The following SBNO1 variants were observed in gnomAD, a reference collection of about 807,000 sequenced individuals.
SBNO1 encodes the protein protein strawberry notch homolog 1.
A neutral mutation model predicts 173.6 loss-of-function variants in SBNO1; 23 were observed. The ratio of observed to expected loss-of-function variants is 0.13; its 90% CI spans 0.10 to 0.19. The LOEUF (loss-of-function observed/expected upper bound fraction) is 0.19. Ranked by LOEUF, SBNO1 falls within the 10% of genes least tolerant of loss-of-function variation. The pLI, the probability that SBNO1 is intolerant of heterozygous loss-of-function variation, is 1.00. For missense variants in SBNO1, 1,238 were observed against 1,671.2 expected, an observed-to-expected ratio of 0.74 and a Z score of 4.52; for synonymous variants, 632 against 571.5, an observed-to-expected ratio of 1.11 and a Z score of -1.51.
intron 9 of SBNO1, among the ~76,000 whole-genome samples, chr12:123,329,279 G>T (rs1182055369): frequency 6.6e-6 from 1 of 152,064 alleles, no homozygotes; most frequent in Non-Finnish European, 1.5e-5. Flanking sequence ...TACCACAGGG[G>T]CTGAGGTGGG....
In SBNO1 at chr12:123,348,065, T is replaced by A. The variant is rs1170619199; in HGVS notation, c.201A>T (p.Pro67=). ...ATAGTGCTGGAGTAGGTACAGTCTC[T>A]GGTTCTTGTTTAACAGGAACTGCTG... ...TEAAVPVKQE[P]ETVPTPALLN... Residue 67 remains proline, a synonymous_variant, in exon 3 of 32, where the codon CCA becomes CCT. Transcript: ENST00000602398. 6.2e-7 allele frequency: 1 copy of A among 1,611,242 alleles called. No homozygotes were observed. Among genetic ancestry groups the A allele is most frequent in the Non-Finnish European group, 8.5e-7 (1 of 1,177,586 alleles).
At chr12:123,299,856 G>T (rs986703519) in intron 30 of SBNO1, among the ~76,000 whole-genome samples, 1 of 151,966 alleles carries the variant, frequency 6.6e-6, no homozygotes, top group Non-Finnish European at 1.5e-5. Context: ...AAGATCCTGA[G>T]AGATCCTGCC....
At chr12:123,352,136 C>T (rs1873949843) in intron 1 of SBNO1, among the ~76,000 whole-genome samples, 2 of 152,104 alleles carry the variant, frequency 1.3e-5, no homozygotes, top group Non-Finnish European at 2.9e-5. Flanking sequence ...TCATTAATTT[C>T]CCTGAAATAA....
At chr12:123,307,183 C>T (rs893876762) in intron 28 of SBNO1, among the ~76,000 whole-genome samples, 27 of 151,814 alleles carry the variant, frequency 1.8e-4, no homozygotes, top group Middle Eastern at 3.4e-3. Flanking sequence ...ACAGAGCGAG[C>T]GAGATCCCAT....
rs1020639462 is a variant in SBNO1, at chr12:123,328,742, C to T, written c.1288G>A (p.Asp430Asn). 4.5e-6 allele frequency: 7 copies of T among 1,552,622 alleles called. No homozygotes were observed. Among genetic ancestry groups the T allele is most frequent in the South Asian group, 3.7e-5 (3 of 81,442 alleles). The change falls in exon 10 of 32, where the codon GAT becomes AAT. Residue 430 changes from aspartate to asparagine, a missense_variant. Transcript: ENST00000602398. ...TTTGCCATAAAGGATACCACTCCAT[C>T]GAAGTCATCACCGCACCAATGCAGA... The part of the protein sequence containing the change: ...QLLHWCGDDF[D>N]GVIVFDECHK...
intron 29 of SBNO1, among the ~76,000 whole-genome samples, chr12:123,303,386 C>T (rs2048840822): frequency 6.6e-6 from 1 of 152,172 alleles, no homozygotes; most frequent in East Asian, 1.9e-4. Context: ...TGGCTCATGC[C>T]TATAATCCCA....
intron 24 of SBNO1, among the ~76,000 whole-genome samples, 170 bp downstream of exon 24, chr12:123,313,450 T>A (rs1273645063): frequency 6.6e-6 from 1 of 152,106 alleles, no homozygotes; most frequent in African/African-American, 2.4e-5. Context: ...TTTGCTTTAA[T>A]AAATCTGTTT....
At chr12:123,364,658 A>G in intron 1 of SBNO1, 43 bp downstream of exon 1, 1 of 979,478 alleles carries the variant, frequency 1.0e-6, no homozygotes, top group Non-Finnish European at 1.2e-6. Context: ...GCTGTCCGGG[A>G]GGGGGAGTGT....
intron 5 of SBNO1, among the ~76,000 whole-genome samples, chr12:123,338,871 AAC>A (rs1374736640): frequency 5.6e-5 from 8 of 142,980 alleles, no homozygotes; most frequent in Non-Finnish European, 9.0e-5. Context: ...ACACCGTCTA[AAC>A]ACACACACAC....
intron 28 of SBNO1, among the ~76,000 whole-genome samples, chr12:123,306,394 G>A (rs577578590): frequency 1.3e-5 from 2 of 152,280 alleles, no homozygotes; most frequent in South Asian, 4.1e-4. Context: ...CGAAGACCAG[G>A]AATGAGGTCT....
chr12:123,330,542 C>T, intron 8 of SBNO1, 33 bp from the exon 9 acceptor site: 1 of 1,110,980 alleles, frequency 9.0e-7, no homozygotes, highest in East Asian at 2.6e-5. Flanking sequence ...AAATTAAATA[C>T]AAATTATATC....
chr12:123,350,495 A>C, intron 1 of SBNO1, 54 bp from the exon 2 acceptor site: 1 of 1,352,942 alleles, frequency 7.4e-7, no homozygotes, highest in East Asian at 2.3e-5. Flanking sequence ...GACAAATATT[A>C]ACTCCCCTCT....
intron 3 of SBNO1, 84 bp downstream of exon 3, chr12:123,347,945 G>A (rs1315974575): frequency 2.7e-6 from 2 of 754,604 alleles, no homozygotes; most frequent in Non-Finnish European, 4.5e-6. Context: ...GAGACTACAG[G>A]TGCGAATCAC....
At chr12:123,364,310 C>G (rs1875825173) in intron 1 of SBNO1, 2 of 985,542 alleles carry the variant, frequency 2.0e-6, no homozygotes, top group Admixed American at 6.1e-5. Flanking sequence ...CCGCGGGTCC[C>G]GGACCCGCAG....
chr12:123,299,282 G>A (rs1363422123), intron 30 of SBNO1, among the ~76,000 whole-genome samples: 2 of 151,814 alleles, frequency 1.3e-5, no homozygotes, highest in African/African-American at 2.4e-5. Flanking sequence ...GCAGGAGAAT[G>A]GCGTGAACCC....
intron 20 of SBNO1, among the ~76,000 whole-genome samples, chr12:123,318,540 C>T (rs111964104): frequency 0.048 from 7,218 of 151,786 alleles, 297 homozygotes; most frequent in East Asian, 0.25. Flanking sequence ...CAAGACCAGC[C>T]AGGTCAATAT....
chr12:123,364,217 G>T (rs887512767), intron 1 of SBNO1: 7 of 985,482 alleles, frequency 7.1e-6, no homozygotes, highest in Non-Finnish European at 7.2e-6. Context: ...CGACCGCGTC[G>T]CCTGCCTCCC....
chr12:123,305,923 C>G (rs368663944), intron 28 of SBNO1, among the ~76,000 whole-genome samples: 1 of 152,122 alleles, frequency 6.6e-6, no homozygotes, highest in Non-Finnish European at 1.5e-5. Flanking sequence ...ATTTCTGGAG[C>G]AAAACGGAAG....
chr12:123,362,032 G>T (rs1289795578), intron 1 of SBNO1, among the ~76,000 whole-genome samples: 1 of 151,808 alleles, frequency 6.6e-6, no homozygotes, highest in Non-Finnish European at 1.5e-5. Context: ...CCAGCTATTT[G>T]GGAGGCTGAG....
Sources: gnomAD v4.1 joint callset for allele counts (sites outside exome capture counted in the v4.1 genomes callset) on GRCh38, gnomAD v4.1.1 for gene constraint, MANE v1.5 for transcripts, NCBI Gene and HGNC (gene_info 2026-07-23, HGNC 2026-07-21) for gene names.